Variants in IDE observed in about 807,000 individuals in gnomAD.
IDE encodes insulin-degrading enzyme.
In IDE, 58 loss-of-function variants were observed where a neutral mutation model predicts 133.2. That is an observed-to-expected ratio of 0.44 (90% CI 0.35 to 0.54). IDE has a LOEUF of 0.54. Among genes scored for constraint, IDE ranks in the 20% least tolerant of loss-of-function variants. IDE has a pLI of 0.00. For synonymous variants in IDE, 396 were observed against 421.3 expected, an observed-to-expected ratio of 0.94 and a Z score of 0.73; for missense variants, 981 against 1,234.0, an observed-to-expected ratio of 0.79 and a Z score of 3.07.
At chr10:92,560,278 G>A (rs762909323) in intron 1 of IDE, among the ~76,000 whole-genome samples, 4 of 152,140 alleles carry the variant, frequency 2.6e-5, no homozygotes, top group African/African-American at 9.7e-5. Context: ...TGGCTTCTGG[G>A]AACGGTGTCT....
At chr10:92,477,583 T>C (rs1202578717) in intron 15 of IDE, among the ~76,000 whole-genome samples, 1 of 152,196 alleles carries the variant, frequency 6.6e-6, no homozygotes, top group Non-Finnish European at 1.5e-5. Flanking sequence ...GCAGCTAGAA[T>C]ATCATGAAAG....
In IDE at chr10:92,463,741, A is replaced by G; in HGVS notation, c.2751T>C (p.Asn917=). The change falls in exon 21 of 25, where the codon AAT becomes AAC. Residue 917 remains asparagine (N), a synonymous_variant. Coordinates refer to ENST00000265986, the MANE Select transcript of IDE (RefSeq NM_004969.4). The part of the protein sequence containing the change: ...YWGEIISQQY[N]FDRDNTEVAY... ...CTAATTTTACCTTACCTCTGTCAAA[A>G]TTATATTGCTGGGAGATGATTTCTC... is the stretch of plus-strand genomic sequence containing the variant. 2.5e-6 allele frequency: 4 copies of G among 1,613,708 alleles called. No individual in the cohort carries two copies. The highest frequency in any genetic ancestry group is 3.4e-6 in the Non-Finnish European group (4 of 1,179,736).
At position 92,490,613 on chromosome 10, in the gene IDE, A is replaced by C. The variant is rs1434783920; in HGVS notation, c.1431-18T>G. On this transcript the variant is annotated intron_variant, in intron 11 of 24. Transcript: ENST00000265986. Reference sequence around the variant, plus strand: ...TGGCAACCCTAGAGATAGAAAAAACAAACAAAAAAACCCTGTAAACTCATA... The same window carrying C: ...TGGCAACCCTAGAGATAGAAAAAACCAACAAAAAAACCCTGTAAACTCATA... The C allele has an allele frequency of 6.9e-7, 1 of 1,443,632 alleles. No individual in the cohort carries two copies. The allele number at this position is 1,443,632 out of a possible 1,614,324, so 89.4% of individuals were successfully genotyped here.
At chr10:92,490,112 A>G (rs1847254602) in intron 12 of IDE, among the ~76,000 whole-genome samples, 1 of 152,248 alleles carries the variant, frequency 6.6e-6, no homozygotes, top group Non-Finnish European at 1.5e-5. Context: ...TATGAATCCT[A>G]GAGCCTGCTC....
chr10:92,490,734 T>G (rs895260110), intron 11 of IDE, 139 bp from the exon 12 acceptor site: 3 of 619,630 alleles, frequency 4.8e-6, no homozygotes, highest in Admixed American at 3.0e-5. Context: ...CCTGTAAGGC[T>G]TAGTCCAAAC....
chr10:92,476,366 C>T (rs898645342), intron 15 of IDE, among the ~76,000 whole-genome samples: 7 of 152,010 alleles, frequency 4.6e-5, no homozygotes, highest in South Asian at 4.1e-4. Context: ...GTAGAGATGG[C>T]GTTTCACCAT....
chr10:92,531,621 G>T (rs1490221175), intron 4 of IDE, 127 bp downstream of exon 4: 3 of 350,002 alleles, frequency 8.6e-6, no homozygotes, highest in African/African-American at 4.3e-5. Context: ...AATATGCCAT[G>T]AACTGTATAT....
chr10:92,526,207 T>C (rs1589478256), intron 4 of IDE, among the ~76,000 whole-genome samples: 1 of 150,742 alleles, frequency 6.6e-6, no homozygotes, highest in East Asian at 2.0e-4. Flanking sequence ...TATAAAATAC[T>C]AATAAGAGAA....
At chr10:92,495,216 CTTTTTTTTTT>C (rs71028822) in intron 11 of IDE, among the ~76,000 whole-genome samples, 1 of 73,444 alleles carries the variant, frequency 1.4e-5, no homozygotes, top group Admixed American at 1.8e-4. Flanking sequence ...TCACACTCGG[CTTTTTTTTTT>C]TTTTTTTTTT....
At chr10:92,460,391 A>G (rs1224850488) in intron 22 of IDE, among the ~76,000 whole-genome samples, 2 of 152,172 alleles carry the variant, frequency 1.3e-5, no homozygotes, top group Non-Finnish European at 2.9e-5. Context: ...CCTTCCCACC[A>G]AACAAGCTCA....
intron 2 of IDE, 54 bp from the exon 3 acceptor site, chr10:92,534,839 A>C (rs1195451814): frequency 7.5e-6 from 10 of 1,339,146 alleles, no homozygotes; most frequent in Non-Finnish European, 9.5e-6. Flanking sequence ...GAAAGTTAGT[A>C]AGTACAGGTG....
chr10:92,546,665 T>C (rs1031998754), intron 1 of IDE, among the ~76,000 whole-genome samples: 1 of 152,234 alleles, frequency 6.6e-6, no homozygotes, highest in Non-Finnish European at 1.5e-5. Context: ...GAGGCCCATG[T>C]AAGTACAGCA....
chr10:92,469,794 T>G (rs192937044), intron 18 of IDE, among the ~76,000 whole-genome samples: 448 of 152,270 alleles, frequency 2.9e-3, no homozygotes, highest in African/African-American at 0.01. Context: ...GCATGTACTA[T>G]TTAATCCTTA....
At chr10:92,503,420 C>T (rs1288704920) in intron 11 of IDE, among the ~76,000 whole-genome samples, 1 of 152,110 alleles carries the variant, frequency 6.6e-6, no homozygotes, top group African/African-American at 2.4e-5. Context: ...TCCTCCTCTG[C>T]CTTGGCTTCC....
At chr10:92,508,062 T>C (rs77117353) in intron 8 of IDE, 51 bp downstream of exon 8, 5 of 1,314,388 alleles carry the variant, frequency 3.8e-6, no homozygotes, top group Non-Finnish European at 5.5e-6. Flanking sequence ...TTAAAAAACA[T>C]CATAGAAAGT....
rs1352986863 is a variant in IDE, at chr10:92,453,114, C to T, written c.*1330G>A. ...GGAGGTAAAATGTCCTTCAAAAATGCCATTCTTTACTTTGCCTGAGTTAGT... is the reference window on the plus strand; with the variant it reads ...GGAGGTAAAATGTCCTTCAAAAATGTCATTCTTTACTTTGCCTGAGTTAGT... On this transcript the variant is annotated 3_prime_UTR_variant, in exon 25 of 25. Coordinates refer to ENST00000265986, the MANE Select transcript of IDE (RefSeq NM_004969.4). 4 of 152,098 alleles carry T rather than the reference C, an allele frequency of 2.6e-5. No homozygotes were observed. The highest frequency in any genetic ancestry group is 4.4e-5 in the Non-Finnish European group (3 of 68,010). The allele number at this position is 152,098 out of a possible 1,614,324, so 9.4% of individuals were successfully genotyped here.
At chr10:92,497,189 T>C (rs2135491812) in intron 11 of IDE, among the ~76,000 whole-genome samples, 1 of 152,330 alleles carries the variant, frequency 6.6e-6, no homozygotes, top group East Asian at 1.9e-4. Context: ...TAGCTGTCTT[T>C]GTAGATTTAA....
chr10:92,459,151 T>G (rs1845216019), intron 22 of IDE, among the ~76,000 whole-genome samples: 1 of 152,214 alleles, frequency 6.6e-6, no homozygotes, highest in African/African-American at 2.4e-5. Context: ...AATACTTGTT[T>G]GCATACAGCC....
intron 20 of IDE, 43 bp downstream of exon 20, chr10:92,465,633 T>C: frequency 6.5e-7 from 1 of 1,531,112 alleles, no homozygotes; most frequent in Non-Finnish European, 9.0e-7. Context: ...AAATAATTCA[T>C]CAAAGTCTAC....
Sources: gnomAD v4.1 joint callset for allele counts (sites outside exome capture counted in the v4.1 genomes callset) on GRCh38, gnomAD v4.1.1 for gene constraint, MANE v1.5 for transcripts, NCBI Gene and HGNC (gene_info 2026-07-23, HGNC 2026-07-21) for gene names.